Variants in NTM observed in about 807,000 individuals in gnomAD.
NTM encodes the protein neurotrimin, also known as IgLON family member 2.
In NTM, 13 loss-of-function variants were observed where a neutral mutation model predicts 42.1. The ratio of observed to expected loss-of-function variants is 0.31; its 90% confidence interval spans 0.20 to 0.49. NTM has a LOEUF of 0.49. Ranked by LOEUF, NTM falls within the 20% of genes least tolerant of loss-of-function variation. NTM has a pLI of 0.99. For synonymous variants in NTM, 187 were observed against 179.2 expected (o/e 1.04, Z -0.35); for missense variants, 373 against 452.8 (o/e 0.82, Z 1.60).
intron 1 of NTM, among the ~76,000 whole-genome samples, chr11:131,689,923 G>T (rs1361546693): frequency 2.0e-5 from 3 of 152,164 alleles, no homozygotes; most frequent in Non-Finnish European, 4.4e-5. Flanking sequence ...TACACAGTTG[G>T]CTCCCTCGTC....
At chr11:132,040,537 T>A (rs944319629) in intron 2 of NTM, among the ~76,000 whole-genome samples, 1 of 152,202 alleles carries the variant, frequency 6.6e-6, no homozygotes, top group African/African-American at 2.4e-5. Flanking sequence ...CAAAAAATGT[T>A]GGCAATATTG....
At chr11:131,999,631 G>T (rs11604097) in intron 2 of NTM, among the ~76,000 whole-genome samples, 3,045 of 152,340 alleles carry the variant, frequency 0.02, 40 homozygotes, top group Non-Finnish European at 0.031. Flanking sequence ...TCCTGCATAA[G>T]TTAGTGGAGA....
At chr11:131,633,549 A>G (rs1015103190) in intron 1 of NTM, among the ~76,000 whole-genome samples, 1 of 103,752 alleles carries the variant, frequency 9.6e-6, no homozygotes. Flanking sequence ...CTCTATCTCT[A>G]TCTCTCCCTC....
chr11:132,211,629 G>C (rs981898273), intron 3 of NTM: 10 of 164,198 alleles, frequency 6.1e-5, no homozygotes, highest in Middle Eastern at 2.7e-3. Context: ...AGCCACTGGA[G>C]CTGTTTAGAC....
At chr11:131,851,567 G>A (rs910159643) in intron 1 of NTM, among the ~76,000 whole-genome samples, 2 of 150,494 alleles carry the variant, frequency 1.3e-5, no homozygotes, top group South Asian at 2.1e-4. Context: ...GTGTGTGTGT[G>A]TGGCCAAGTG....
intron 1 of NTM, among the ~76,000 whole-genome samples, chr11:131,844,949 T>C (rs1187460275): frequency 1.3e-5 from 2 of 152,186 alleles, no homozygotes; most frequent in Non-Finnish European, 1.5e-5. Flanking sequence ...CATTTCTTTG[T>C]CCTGTCTCAC....
chr11:132,051,872 A>G (rs2078905079), intron 2 of NTM, among the ~76,000 whole-genome samples: 1 of 152,206 alleles, frequency 6.6e-6, no homozygotes, highest in Admixed American at 6.5e-5. Flanking sequence ...TTATTGCACC[A>G]TGATCCCTGA....
chr11:131,879,588 T>C (rs781425050), intron 1 of NTM, among the ~76,000 whole-genome samples: 2 of 152,204 alleles, frequency 1.3e-5, no homozygotes, highest in Non-Finnish European at 2.9e-5. Context: ...GTCAGCTTTG[T>C]AGCACTATAA....
chr11:131,586,624 A>G (rs2137238917), intron 1 of NTM, among the ~76,000 whole-genome samples: 1 of 152,336 alleles, frequency 6.6e-6, no homozygotes, highest in South Asian at 2.1e-4. Context: ...AGAGGTACCC[A>G]GCAAAGCTCT....
At chr11:131,850,516 C>T (rs746340089) in intron 1 of NTM, among the ~76,000 whole-genome samples, 2 of 152,076 alleles carry the variant, frequency 1.3e-5, no homozygotes, top group African/African-American at 2.4e-5. Flanking sequence ...GACTGGGGGT[C>T]GATTTCCTTT....
At chr11:132,163,215 G>A (rs1473225816) in intron 3 of NTM, among the ~76,000 whole-genome samples, 5 of 152,140 alleles carry the variant, frequency 3.3e-5, no homozygotes, top group African/African-American at 9.7e-5. Flanking sequence ...GTTGAGTCCC[G>A]AGGATCTCCT....
At chr11:131,814,658 T>A (rs558873587) in intron 1 of NTM, among the ~76,000 whole-genome samples, 26 of 151,910 alleles carry the variant, frequency 1.7e-4, no homozygotes, top group African/African-American at 6.0e-4. Context: ...ACAACTGGAG[T>A]GGGGAGGTGA....
chr11:131,401,820 A>G (rs866960810), intron 1 of NTM, among the ~76,000 whole-genome samples: 7 of 49,912 alleles, frequency 1.4e-4, no homozygotes, highest in African/African-American at 5.4e-4. Flanking sequence ...ATATATATAT[A>G]TATATATATA....
At chr11:131,922,982 CT>C (rs2057438067) in intron 2 of NTM, among the ~76,000 whole-genome samples, 1 of 152,080 alleles carries the variant, frequency 6.6e-6, no homozygotes, top group South Asian at 2.1e-4. Context: ...AAGAAATGTT[CT>C]TCCCTCTCTC....
chr11:131,559,260 T>C (rs996679924), intron 1 of NTM, among the ~76,000 whole-genome samples: 3 of 152,234 alleles, frequency 2.0e-5, no homozygotes, highest in African/African-American at 7.2e-5. Flanking sequence ...TTCTTTTTAT[T>C]CTCTTTAGTA....
chr11:131,948,303 T>G (rs2060577074), intron 2 of NTM, among the ~76,000 whole-genome samples: 2 of 150,814 alleles, frequency 1.3e-5, no homozygotes, highest in South Asian at 4.2e-4. Flanking sequence ...AGGCGGAGCT[T>G]GCAGTGAGCC....
At chr11:132,270,657 T>A (rs941674117) in intron 4 of NTM, among the ~76,000 whole-genome samples, 4 of 150,978 alleles carry the variant, frequency 2.6e-5, no homozygotes, top group Non-Finnish European at 5.9e-5. Context: ...ATTTTTATTT[T>A]TTTTTTTACT....
intron 1 of NTM, among the ~76,000 whole-genome samples, chr11:131,809,376 T>C (rs1393525782): frequency 6.6e-6 from 1 of 152,234 alleles, no homozygotes; most frequent in Admixed American, 6.5e-5. Flanking sequence ...ATAGAGCTGC[T>C]GCTCTGCATC....
chr11:131,729,868 A>G (rs1475302012), intron 1 of NTM, among the ~76,000 whole-genome samples: 1 of 152,138 alleles, frequency 6.6e-6, no homozygotes, highest in Non-Finnish European at 1.5e-5. Context: ...GAATAGTTCT[A>G]CTTTTTAGCT....
Sources: gnomAD v4.1 joint callset for allele counts (sites outside exome capture counted in the v4.1 genomes callset) on GRCh38, gnomAD v4.1.1 for gene constraint, MANE v1.5 for transcripts, NCBI Gene and HGNC (gene_info 2026-07-23, HGNC 2026-07-21) for gene names.